The following CXADR variants were observed in gnomAD, a reference collection of about 807,000 sequenced individuals.
CXADR encodes the protein coxsackievirus and adenovirus receptor.
A neutral mutation model predicts 40.3 loss-of-function variants in CXADR; 20 were observed. The observed-to-expected ratio is 0.50, with a 90% CI of 0.35 to 0.72. The LOEUF (loss-of-function observed/expected upper bound fraction) is 0.72, where lower values mean the gene tolerates loss of function less well. CXADR is among the 30% of genes least tolerant of loss of function. The probability of loss-of-function intolerance (pLI) is 0.01; values close to 1 mark genes in which losing one functional copy is unlikely to be tolerated. For missense variants in CXADR, 332 were observed against 449.1 expected (o/e 0.74, Z 2.36); for synonymous variants, 150 against 161.3 (o/e 0.93, Z 0.53).
At chr21:17,548,415 A>T (rs978958290) in intron 2 of CXADR, among the ~76,000 whole-genome samples, 7 of 152,138 alleles carry the variant, frequency 4.6e-5, no homozygotes, top group Admixed American at 2.6e-4. Context: ...CCTGAGCAAA[A>T]TAAATCGGGC....
intron 1 of CXADR, among the ~76,000 whole-genome samples, chr21:17,514,588 G>T (rs1224462608): frequency 1.3e-5 from 2 of 148,788 alleles, no homozygotes; most frequent in Admixed American, 6.7e-5. Flanking sequence ...AATAGTTTTA[G>T]ACCACATCTA....
intron 7 of CXADR, among the ~76,000 whole-genome samples, chr21:17,589,217 A>G (rs1273219565): frequency 6.6e-6 from 1 of 152,070 alleles, no homozygotes; most frequent in African/African-American, 2.4e-5. Flanking sequence ...AGTATTTACT[A>G]TTTCAGAATA....
rs964226899 is a variant in CXADR, at chr21:17,566,054, G to A, written c.*362G>A. On this transcript the variant is annotated 3_prime_UTR_variant, in exon 7 of 7. Coordinates refer to ENST00000284878, the MANE Select transcript of CXADR (RefSeq NM_001338.5). ...CAAGTTGATACTTGAATAACCATCT[G>A]AAAGTGGTACTTGATCATTTTTACC... 10 of 994,864 alleles carry A rather than the reference G, an allele frequency of 1.0e-5. No homozygotes were observed. In the African/African-American group the frequency reaches 1.7e-4, roughly 17 times the overall value. The allele number at this position is 994,864 out of a possible 1,614,324, so 61.6% of individuals were successfully genotyped here.
the CXADR span, among the ~76,000 whole-genome samples, chr21:17,626,718 G>A: frequency 6.6e-6 from 1 of 152,142 alleles, no homozygotes; most frequent in Non-Finnish European, 1.5e-5. Flanking sequence ...CTGGGAATGG[G>A]GTAGTGGGTG....
chr21:17,604,080 TAGG>T, the CXADR span: 2 of 1,216,806 alleles, frequency 1.6e-6, no homozygotes, highest in African/African-American at 1.6e-5. Context: ...CTCTATTCAT[TAGG>T]AGATGTGAAA....
intron 1 of CXADR, among the ~76,000 whole-genome samples, chr21:17,521,096 G>A (rs1157243603): frequency 4.6e-5 from 7 of 152,128 alleles, no homozygotes; most frequent in African/African-American, 7.2e-5. Flanking sequence ...AAGAGAAGGT[G>A]AAATGTGAGG....
In CXADR at chr21:17,524,779, C is replaced by T. The variant is rs150456334; in HGVS notation, c.43+11607C>T. ...CAAAAATTAGCCGGGTGTGGTGGCA[C>T]GTTCCTGTAGTCCCAGCTATTCGGG... On this transcript the variant is annotated intron_variant, in intron 1 of 6. Coordinates refer to ENST00000284878, the MANE Select transcript of CXADR (RefSeq NM_001338.5). 1.7e-3 allele frequency among the ~76,000 whole-genome samples: 252 copies of T among 151,672 alleles called. 3 individuals are homozygous for T. The South Asian group carries it at 0.032, about 19-fold the overall frequency.
the CXADR span, chr21:17,613,949 A>C: frequency 2.0e-5 from 3 of 152,226 alleles, no homozygotes; most frequent in Non-Finnish European, 4.4e-5. Context: ...CTTACTGCCC[A>C]CTAGGCTTGG....
chr21:17,597,030 T>C (rs775291863), downstream of CXADR, among the ~76,000 whole-genome samples: 3 of 152,224 alleles, frequency 2.0e-5, no homozygotes, highest in Middle Eastern at 3.4e-3. Context: ...GTGGGCCATT[T>C]GCACTAGCTT....
downstream of CXADR, chr21:17,594,025 C>T: frequency 6.5e-7 from 1 of 1,530,256 alleles, no homozygotes; most frequent in African/African-American, 1.4e-5. Flanking sequence ...GAACTTTTAA[C>T]TTTTAATGTG....
intron 1 of CXADR, among the ~76,000 whole-genome samples, chr21:17,528,599 G>A (rs2060629413): frequency 6.6e-6 from 1 of 151,348 alleles, no homozygotes; most frequent in Admixed American, 6.6e-5. Context: ...GTAGAGACGG[G>A]GTTTCTTCAT....
At chr21:17,600,032 A>AT in the CXADR span, among the ~76,000 whole-genome samples, 2 of 152,030 alleles carry the variant, frequency 1.3e-5, no homozygotes, top group East Asian at 1.9e-4. Flanking sequence ...TCTCATCTTA[A>AT]TTTTTTTTAA....
chr21:17,566,941 A>G lies in CXADR; in HGVS notation c.*1249A>G, dbSNP rs1289723104. ...TGTCTTAGTTTTGTGAAGGTGATTT[A>G]TTCTTAAAAAAAAAAAAGAAAGAAA... On this transcript the variant is annotated 3_prime_UTR_variant, in exon 7 of 7. Coordinates refer to ENST00000284878, the MANE Select transcript of CXADR (RefSeq NM_001338.5). 1 of 867,546 alleles carries G rather than the reference A, an allele frequency of 1.2e-6. No homozygotes were observed. The highest frequency in any genetic ancestry group is 1.3e-6 in the Non-Finnish European group (1 of 760,852). 53.7% of individuals were successfully genotyped at this position (867,546 alleles called of 1,614,324 possible).
Position 17,591,669 on chromosome 21 carries a change from A to G in CXADR, c.1018-1483A>G, listed in dbSNP as rs1442307386. On this transcript the variant is annotated intron_variant, in intron 7 of 7. Transcript: ENST00000400169. ...GAGCTTTGCAGTTATGCCTACAAAT[A>G]CAAAAATAAAATGGAGAATTTAAAC... Among the ~76,000 whole-genome samples the G allele has an allele frequency of 2.0e-5, 3 of 151,992 alleles. No individual in the cohort carries two copies. The East Asian group carries it at 5.8e-4, about 29-fold the overall frequency.
At chr21:17,514,004 G>A (rs552884045) in intron 1 of CXADR, among the ~76,000 whole-genome samples, 2 of 152,176 alleles carry the variant, frequency 1.3e-5, no homozygotes, top group East Asian at 1.9e-4. Flanking sequence ...GGGGAAAAAA[G>A]GCATGTGAAA....
At chr21:17,554,492 G>C (rs1123568) in intron 3 of CXADR, among the ~76,000 whole-genome samples, 13,411 of 152,156 alleles carry the variant, frequency 0.088, 1,688 homozygotes, top group African/African-American at 0.28. Flanking sequence ...AACCAAGGAG[G>C]GGGAGAGGGG....
the CXADR span, chr21:17,605,045 T>C: frequency 6.3e-7 from 1 of 1,587,270 alleles, no homozygotes; most frequent in African/African-American, 1.3e-5. Flanking sequence ...AATTTAATCA[T>C]AAACGCCGTA....
At chr21:17,624,783 C>G in the CXADR span, among the ~76,000 whole-genome samples, 1 of 152,106 alleles carries the variant, frequency 6.6e-6, no homozygotes, top group Non-Finnish European at 1.5e-5. Flanking sequence ...GCCACGCATG[C>G]TTCCATCTCT....
At chr21:17,536,491 G>GATAGCTCCTTC (rs1440880297) in intron 1 of CXADR, among the ~76,000 whole-genome samples, 1 of 152,064 alleles carries the variant, frequency 6.6e-6, no homozygotes, top group Admixed American at 6.6e-5. Context: ...TCTGCCTTCA[G>GATAGCTCCTTC]ATAGCTCCTT....
Sources: allele counts gnomAD v4.1 joint callset (sites outside exome capture counted in the v4.1 genomes callset), GRCh38; gene constraint gnomAD v4.1.1; transcripts MANE v1.5; gene names NCBI Gene and HGNC (gene_info 2026-07-23, HGNC 2026-07-21).